Variants in ACBD6 observed in about 807,000 individuals in gnomAD.
ACBD6 encodes acyl-CoA binding domain containing 6.
Under a neutral mutation model 37.2 loss-of-function variants are expected in ACBD6, and 28 were observed. The ratio of observed to expected loss-of-function variants is 0.75; its 90% confidence interval spans 0.56 to 1.03. The LOEUF (loss-of-function observed/expected upper bound fraction) is 1.03. ACBD6 is among the 50% of genes least tolerant of loss of function. ACBD6 has a pLI of 0.00. For missense variants in ACBD6, 340 were observed against 337.4 expected (o/e 1.01, Z -0.06); for synonymous variants, 113 against 126.8 (o/e 0.89, Z 0.73).
intron 3 of ACBD6, among the ~76,000 whole-genome samples, chr1:180,462,456 T>C (rs1016560332): frequency 6.6e-6 from 1 of 152,130 alleles, no homozygotes; most frequent in Non-Finnish European, 1.5e-5. Context: ...TCCAACAGAC[T>C]TTAAATCATC....
chr1:180,403,142 T>C (rs1647451518), intron 5 of ACBD6, among the ~76,000 whole-genome samples: 2 of 152,168 alleles, frequency 1.3e-5, no homozygotes, highest in Non-Finnish European at 2.9e-5. Context: ...GCAGAACTTA[T>C]CTATGGTAGA....
intron 4 of ACBD6, 120 bp from the exon 5 acceptor site, chr1:180,413,591 T>C (rs904546005): frequency 1.1e-5 from 8 of 730,284 alleles, no homozygotes; most frequent in Non-Finnish European, 1.8e-5. Context: ...AAAAAAATTT[T>C]ACATGAACAG....
chr1:180,468,537 T>A (rs1650440177), intron 3 of ACBD6, among the ~76,000 whole-genome samples: 1 of 152,214 alleles, frequency 6.6e-6, no homozygotes, highest in South Asian at 2.1e-4. Flanking sequence ...AGATAAGAAG[T>A]AGTATATACT....
intron 6 of ACBD6, among the ~76,000 whole-genome samples, chr1:180,321,306 T>C (rs974009465): frequency 6.6e-6 from 1 of 152,200 alleles, no homozygotes; most frequent in African/African-American, 2.4e-5. Flanking sequence ...ATTTTAGGAT[T>C]GTTTTTCTAC....
At chr1:180,415,123 A>AC (rs1648027938) in intron 4 of ACBD6, among the ~76,000 whole-genome samples, 2 of 151,938 alleles carry the variant, frequency 1.3e-5, no homozygotes, top group Admixed American at 1.3e-4. Context: ...AAACAAACAA[A>AC]AAAAACCAAA....
At chr1:180,348,734 A>G (rs1268310385) in intron 6 of ACBD6, among the ~76,000 whole-genome samples, 2 of 151,434 alleles carry the variant, frequency 1.3e-5, no homozygotes, top group Non-Finnish European at 2.9e-5. Flanking sequence ...ACAGCTATCA[A>G]TTTTTAAACA....
intron 6 of ACBD6, among the ~76,000 whole-genome samples, chr1:180,395,538 C>T (rs1654228637): frequency 6.6e-6 from 1 of 152,098 alleles, no homozygotes; most frequent in South Asian, 2.1e-4. Flanking sequence ...TATGTTACCA[C>T]TTCTATTCAA....
chr1:180,486,626 T>C (rs1287353106), intron 3 of ACBD6, among the ~76,000 whole-genome samples: 5 of 152,284 alleles, frequency 3.3e-5, no homozygotes, highest in African/African-American at 1.2e-4. Flanking sequence ...AGTTAAAAAA[T>C]AATTCACAAA....
At chr1:180,364,043 CT>C (rs757656070) in intron 6 of ACBD6, among the ~76,000 whole-genome samples, 2 of 152,068 alleles carry the variant, frequency 1.3e-5, no homozygotes, top group Non-Finnish European at 2.9e-5. Flanking sequence ...CCTGCTTTTT[CT>C]TTACCTTTTT....
intron 3 of ACBD6, among the ~76,000 whole-genome samples, chr1:180,476,663 G>A (rs904958718): frequency 6.6e-6 from 1 of 151,814 alleles, no homozygotes; most frequent in African/African-American, 2.4e-5. Flanking sequence ...CCGTCTCTAC[G>A]AAAAATACAA....
At chr1:180,375,233 C>A (rs1653390145) in intron 6 of ACBD6, among the ~76,000 whole-genome samples, 1 of 152,042 alleles carries the variant, frequency 6.6e-6, no homozygotes, top group Non-Finnish European at 1.5e-5. Context: ...TGTACATGCA[C>A]AAAAGAAGCA....
chr1:180,495,230 T>C (rs1365014784), intron 2 of ACBD6, among the ~76,000 whole-genome samples: 3 of 152,244 alleles, frequency 2.0e-5, no homozygotes, highest in African/African-American at 7.2e-5. Flanking sequence ...GTAAGGCATG[T>C]ATGTCTGTTG....
intron 6 of ACBD6, among the ~76,000 whole-genome samples, chr1:180,318,507 T>C (rs1419883883): frequency 6.6e-6 from 1 of 152,202 alleles, no homozygotes; most frequent in Non-Finnish European, 1.5e-5. Context: ...ATCTGTACTG[T>C]GCTCCCTAGA....
At chr1:180,274,735 C>T in exon 10 of ACBD6, 1 of 820,270 alleles carries the variant, frequency 1.2e-6, no homozygotes. Flanking sequence ...GCTGTGAGAC[C>T]ACACTAGGGC....
intron 6 of ACBD6, among the ~76,000 whole-genome samples, chr1:180,318,477 G>T (rs1202044481): frequency 1.3e-5 from 2 of 151,948 alleles, no homozygotes; most frequent in South Asian, 2.1e-4. Flanking sequence ...TATTTTAAGG[G>T]GGGTTTTATC....
At chr1:180,367,610 T>A (rs919868102) in intron 6 of ACBD6, among the ~76,000 whole-genome samples, 2 of 152,158 alleles carry the variant, frequency 1.3e-5, no homozygotes, top group Non-Finnish European at 2.9e-5. Context: ...TCTCATTATA[T>A]AGCTCCCACT....
intron 4 of ACBD6, among the ~76,000 whole-genome samples, chr1:180,420,486 T>C (rs61811602): frequency 0.021 from 3,170 of 152,284 alleles, 52 homozygotes; most frequent in Non-Finnish European, 0.026. Flanking sequence ...TAGAGTACCA[T>C]GTGTAATGAG....
At chr1:180,444,337 T>G (rs1480784959) in intron 3 of ACBD6, among the ~76,000 whole-genome samples, 1 of 150,946 alleles carries the variant, frequency 6.6e-6, no homozygotes, top group Admixed American at 6.6e-5. Context: ...GAAAAAAAAC[T>G]GACCCCATAA....
intron 3 of ACBD6, among the ~76,000 whole-genome samples, chr1:180,485,905 T>C (rs757139194): frequency 1.1e-4 from 16 of 148,246 alleles, no homozygotes; most frequent in Non-Finnish European, 1.9e-4. Flanking sequence ...TTTATACCAA[T>C]ATAAATACAG....
Sources: allele counts gnomAD v4.1 joint callset (sites outside exome capture counted in the v4.1 genomes callset), GRCh38; gene constraint gnomAD v4.1.1; transcripts MANE v1.5; gene names NCBI Gene and HGNC (gene_info 2026-07-23, HGNC 2026-07-21).